The following LEMD3 variants were observed in gnomAD, a reference collection of about 807,000 sequenced individuals.
The protein encoded by LEMD3 is inner nuclear membrane protein Man1.
Under a neutral mutation model 95.2 loss-of-function variants are expected in LEMD3, and 33 were observed. The observed-to-expected ratio is 0.35, with a 90% CI of 0.26 to 0.46. LEMD3 has a LOEUF of 0.46. Ranked by LOEUF, LEMD3 falls within the 20% of genes least tolerant of loss-of-function variation. LEMD3 has a pLI of 1.00. For missense variants in LEMD3, 1,210 were observed against 1,192.8 expected (o/e 1.01, Z -0.21); for synonymous variants, 525 against 474.6 (o/e 1.11, Z -1.38).
intron 1 of LEMD3, among the ~76,000 whole-genome samples, chr12:65,191,582 C>A (rs1319963611): frequency 6.6e-6 from 1 of 152,064 alleles, no homozygotes; most frequent in Non-Finnish European, 1.5e-5. Context: ...AGAACAGATT[C>A]TTTTGAGATA....
chr12:65,232,094 A>T (rs1297903966), intron 4 of LEMD3, among the ~76,000 whole-genome samples: 1 of 152,164 alleles, frequency 6.6e-6, no homozygotes, highest in Non-Finnish European at 1.5e-5. Flanking sequence ...ATGAACTTTT[A>T]AAAATGCTTT....
rs534584658 is a variant in LEMD3 at position 65,180,591 on chromosome 12, G to T, written c.1522+9473G>T. ...GCATCTATCATATGGAAGCCATCAT[G>T]AATTACTTTTCATATGTCTTCATTT... On this transcript the variant is annotated intron_variant, in intron 1 of 12. Coordinates refer to ENST00000308330, the MANE Select transcript of LEMD3 (RefSeq NM_014319.5). Among the ~76,000 whole-genome samples the T allele has an allele frequency of 3.8e-3, 580 of 152,194 alleles. 3 individuals carry two copies. Among genetic ancestry groups the T allele is most frequent in the Non-Finnish European group, 5.8e-3 (396 of 68,000 alleles).
rs1870598822 is a variant in LEMD3 at position 65,230,697 on chromosome 12, T to G, written c.1696-7805T>G. On this transcript the variant is annotated intron_variant, in intron 4 of 12. Coordinates refer to ENST00000308330, the MANE Select transcript of LEMD3 (RefSeq NM_014319.5). ...TGTTCCACATTAACATCATGTCATCTGCACATAGGAACAATTTTTCTCCTT... is the reference window on the plus strand; with the variant it reads ...TGTTCCACATTAACATCATGTCATCGGCACATAGGAACAATTTTTCTCCTT... Among the ~76,000 whole-genome samples the G allele has an allele frequency of 2.6e-5, 4 of 152,340 alleles. No homozygotes were observed. The South Asian group carries it at 8.3e-4, about 32-fold the overall frequency.
chr12:65,170,727 A>G lies in LEMD3; in HGVS notation c.1131A>G (p.Ser377=). 1 of 1,614,220 alleles carries G rather than the reference A, an allele frequency of 6.2e-7. No individual in the cohort carries two copies. Among genetic ancestry groups the G allele is most frequent in the Non-Finnish European group, 8.5e-7 (1 of 1,180,034 alleles). The part of the protein sequence containing the change: ...LLPPPLTDMD[S]TLDSSTGSLL... ...CCCCGCCACTTACTGACATGGACTC[A>G]ACCTTGGATTCGTCAACAGGCTCCC... is the stretch of plus-strand genomic sequence containing the variant. Residue 377 remains serine, a synonymous_variant, in exon 1 of 13, where the codon TCA becomes TCG. Coordinates refer to ENST00000308330, the MANE Select transcript of LEMD3 (RefSeq NM_014319.5).
intron 4 of LEMD3, among the ~76,000 whole-genome samples, chr12:65,229,381 C>T (rs1870555723): frequency 6.6e-6 from 1 of 152,000 alleles, no homozygotes; most frequent in Admixed American, 6.6e-5. Context: ...GATTTTCTTT[C>T]CTTTGGATAT....
chr12:65,228,329 T>TA (rs1320738192), intron 4 of LEMD3, among the ~76,000 whole-genome samples: 2 of 151,660 alleles, frequency 1.3e-5, no homozygotes, highest in Non-Finnish European at 2.9e-5. Context: ...TATATCTACT[T>TA]AAAAAAAGAT....
chr12:65,210,769 ACTTCCCTAACCTTTATTAT>A (rs1869912829), intron 1 of LEMD3, among the ~76,000 whole-genome samples, 138 bp from the exon 2 acceptor site: 1 of 152,204 alleles, frequency 6.6e-6, no homozygotes, highest in Non-Finnish European at 1.5e-5. Context: ...CTGAAAAATT[ACTTCCCTAACCTTTATTAT>A]CACCAGTTTG....
chr12:65,218,417 C>A, intron 3 of LEMD3, 135 bp from the exon 4 acceptor site: 1 of 474,268 alleles, frequency 2.1e-6, no homozygotes, highest in Non-Finnish European at 3.8e-6. Context: ...TAATATTGTT[C>A]ATGTTCTTTC....
At chr12:65,220,362 A>G (rs542197891) in intron 4 of LEMD3, among the ~76,000 whole-genome samples, 165 of 152,316 alleles carry the variant, frequency 1.1e-3, no homozygotes, top group Admixed American at 3.0e-3. Flanking sequence ...GGCCATTTGT[A>G]TATCTTCTTT....
chr12:65,177,771 G>T (rs1868769921), intron 1 of LEMD3, among the ~76,000 whole-genome samples: 1 of 151,622 alleles, frequency 6.6e-6, no homozygotes, highest in Admixed American at 6.6e-5. Flanking sequence ...CTAGCCAAAA[G>T]GTCCCGAACT....
In LEMD3 at chr12:65,243,576, C is replaced by T. The variant is rs1870999773; in HGVS notation, c.2387+107C>T. 4 of 762,648 alleles carry T rather than the reference C, an allele frequency of 5.2e-6. No individual in the cohort carries two copies. The South Asian group carries it at 5.7e-5, about 11-fold the overall frequency. The allele number at this position is 762,648 out of a possible 1,614,324, so 47.2% of individuals were successfully genotyped here. On this transcript the variant is annotated intron_variant, in intron 10 of 12. Coordinates refer to ENST00000308330, the MANE Select transcript of LEMD3 (RefSeq NM_014319.5). The stretch of plus-strand genomic sequence containing the variant: ...GTCTGTAATTGAAAATGTTTTTCTT[C>T]TGAATCTCTACCACAGAAATGTTAT...
At position 65,241,004 on chromosome 12, in the gene LEMD3, A is replaced by G. The variant is rs907772664; in HGVS notation, c.2222A>G (p.Asp741Gly). The G allele has an allele frequency of 1.2e-6, 2 of 1,614,064 alleles. No individual in the cohort carries two copies. The highest frequency in any genetic ancestry group is 1.7e-5 in the Admixed American group (1 of 60,014). Residue 741 changes from aspartate (D) to glycine (G), a missense_variant, in exon 9 of 13, where the codon GAT (aspartate) becomes GGT (glycine). This residue lies in a region of LEMD3 where 461 missense variants were observed against 569.8 expected (regional missense o/e 0.81). Coordinates refer to ENST00000308330, the MANE Select transcript of LEMD3 (RefSeq NM_014319.5). ...GAAACACGAAGAATAGGTGGTGCAG[A>G]TTTTCTGGTTTGGCGGTGGATCCAG... ...RTETRRIGGADFLVWRWIQPS... is the reference protein window; with the variant it reads ...RTETRRIGGAGFLVWRWIQPS...
chr12:65,223,341 T>TC (rs1565794079), intron 4 of LEMD3, among the ~76,000 whole-genome samples: 1 of 147,542 alleles, frequency 6.8e-6, no homozygotes, highest in African/African-American at 2.5e-5. Flanking sequence ...TCTAGGCCTG[T>TC]CACCCACGCT....
chr12:65,240,814 G>A, intron 8 of LEMD3, 95 bp from the exon 9 acceptor site: 1 of 1,085,766 alleles, frequency 9.2e-7, no homozygotes, highest in Non-Finnish European at 1.4e-6. Context: ...GTAGTGGTAA[G>A]AACAGCTAGA....
chr12:65,170,791 A>C lies in LEMD3; in HGVS notation c.1195A>C (p.Ser399Arg), dbSNP rs754287790. 1 of 1,614,160 alleles carries C rather than the reference A, an allele frequency of 6.2e-7. No individual in the cohort carries two copies. The highest frequency in any genetic ancestry group is 1.1e-5 in the South Asian group (1 of 91,084). Reference protein sequence around the residue: ...TNNHIGGGAFSVDSPRIYSNS... With the variant: ...TNNHIGGGAFRVDSPRIYSNS... ...TAATCATATTGGCGGTGGGGCCTTC[A>C]GTGTGGACTCCCCCAGGATTTATTC... is the stretch of plus-strand genomic sequence containing the variant. The change falls in exon 1 of 13, where the codon AGT (serine) becomes CGT (arginine). Residue 399 changes from serine (S) to arginine (R), a missense_variant. Physicochemically the swap from Ser to Arg is moderately radical, Grantham distance 110. Around this residue, in one of 2 missense-constraint regions of LEMD3, gnomAD observed 749 missense variants for 622.9 expected, o/e 1.20. Transcript: ENST00000308330.
At chr12:65,209,030 C>G (rs966635033) in intron 1 of LEMD3, among the ~76,000 whole-genome samples, 34 of 152,118 alleles carry the variant, frequency 2.2e-4, no homozygotes, top group African/African-American at 8.2e-4. Flanking sequence ...AAATTGAACA[C>G]TTTTGCTTCA....
intron 1 of LEMD3, among the ~76,000 whole-genome samples, chr12:65,201,528 C>T (rs952526338): frequency 1.3e-5 from 2 of 152,000 alleles, no homozygotes; most frequent in Non-Finnish European, 2.9e-5. Context: ...GTTAGATTTA[C>T]CTATTTCATT....
chr12:65,182,617 GT>G (rs1018575746), intron 1 of LEMD3, among the ~76,000 whole-genome samples: 1 of 150,864 alleles, frequency 6.6e-6, no homozygotes, highest in East Asian at 1.9e-4. Flanking sequence ...AAATAATGTG[GT>G]TTTTTTTTGC....
At position 65,211,047 on chromosome 12, in the gene LEMD3, G is replaced by A. The variant is rs1869923255; in HGVS notation, c.1560+84G>A. 5 of 1,030,094 alleles carry A rather than the reference G, an allele frequency of 4.9e-6. No homozygotes were observed. The South Asian group carries it at 6.7e-5, about 14-fold the overall frequency. 63.8% of individuals were successfully genotyped at this position (1,030,094 alleles called of 1,614,324 possible). A position where few individuals can be genotyped will look rare whatever the true frequency, so the allele number is the denominator to read the frequency against. On this transcript the variant is annotated intron_variant, in intron 2 of 12. Transcript: ENST00000308330. Reference sequence around the variant, plus strand: ...GAGAATGACTATCAACTAAAAAAAAGTAATTTTAAAGTTATTTTAGTCTTA... The same window carrying A: ...GAGAATGACTATCAACTAAAAAAAAATAATTTTAAAGTTATTTTAGTCTTA...
Sources: allele counts gnomAD v4.1 joint callset (sites outside exome capture counted in the v4.1 genomes callset), GRCh38; gene constraint gnomAD v4.1.1; regional missense constraint gnomAD v4.1.1; transcripts MANE v1.5; gene names NCBI Gene and HGNC (gene_info 2026-07-23, HGNC 2026-07-21).